The following PRKG1 variants were observed in gnomAD, a reference collection of about 807,000 sequenced individuals.
PRKG1 encodes the protein cGMP-dependent protein kinase 1.
Under a neutral mutation model 88.1 loss-of-function variants are expected in PRKG1, and 35 were observed. The ratio of observed to expected loss-of-function variants is 0.40; its 90% CI spans 0.30 to 0.53. PRKG1 has a LOEUF of 0.53. PRKG1 is among the 20% of genes least tolerant of loss of function. The pLI is 0.59. For missense variants in PRKG1, 540 were observed against 839.8 expected (o/e 0.64, Z 4.41); for synonymous variants, 303 against 292.5 (o/e 1.04, Z -0.37).
chr10:51,349,314 A>G (rs1015876082), intron 2 of PRKG1, among the ~76,000 whole-genome samples: 3 of 152,146 alleles, frequency 2.0e-5, no homozygotes, highest in African/African-American at 7.2e-5. Context: ...TTAGAACCAT[A>G]CTTATATCAT....
intron 1 of PRKG1, among the ~76,000 whole-genome samples, chr10:51,092,853 A>C (rs1217321048): frequency 6.6e-6 from 1 of 152,204 alleles, no homozygotes; most frequent in Non-Finnish European, 1.5e-5. Context: ...TATTTAAATA[A>C]GTAATAGTGA....
intron 3 of PRKG1, among the ~76,000 whole-genome samples, chr10:51,704,949 T>A (rs1003601492): frequency 6.6e-6 from 1 of 152,206 alleles, no homozygotes; most frequent in Non-Finnish European, 1.5e-5. Flanking sequence ...TGTTCTTTTT[T>A]AATACCTTAT....
intron 5 of PRKG1, among the ~76,000 whole-genome samples, chr10:51,961,520 G>T (rs1352526670): frequency 6.6e-6 from 1 of 152,174 alleles, no homozygotes; most frequent in Non-Finnish European, 1.5e-5. Context: ...AGCAATTGGT[G>T]CTCAAGTGCA....
chr10:51,735,193 G>A (rs182718000), intron 3 of PRKG1, among the ~76,000 whole-genome samples: 230 of 152,240 alleles, frequency 1.5e-3, no homozygotes, highest in Non-Finnish European at 2.8e-3. Context: ...TTTATGTATT[G>A]TTTGCTACAT....
At chr10:51,474,869 T>C (rs10997707) in intron 3 of PRKG1, among the ~76,000 whole-genome samples, 67,881 of 151,806 alleles carry the variant, frequency 0.45, 15,808 homozygotes, top group African/African-American at 0.52. Context: ...AAAGACTGCT[T>C]TGCTTATGAG....
chr10:51,683,930 C>T (rs557155507), intron 3 of PRKG1, among the ~76,000 whole-genome samples: 4 of 152,184 alleles, frequency 2.6e-5, no homozygotes, highest in African/African-American at 4.8e-5. Flanking sequence ...ATTTGTTTTT[C>T]GGGGGAATGT....
At chr10:51,339,775 G>A (rs1052814974) in intron 2 of PRKG1, among the ~76,000 whole-genome samples, 19 of 151,978 alleles carry the variant, frequency 1.3e-4, no homozygotes, top group Middle Eastern at 3.5e-3. Flanking sequence ...AACTCCATAT[G>A]ATGAAAGCAC....
At chr10:51,698,687 G>GGCT in intron 3 of PRKG1, 1 of 1,614,192 alleles carries the variant, frequency 6.2e-7, no homozygotes, top group Non-Finnish European at 8.5e-7. Flanking sequence ...TCCAAGTTGG[G>GGCT]GCTGCATTGC....
Position 51,000,733 on chromosome 10 carries a change from G to T in PRKG1, c.266+9089G>T, listed in dbSNP as rs115199433. Among the ~76,000 whole-genome samples the T allele has an allele frequency of 1.9e-3, 288 of 152,200 alleles. 1 individual carries two copies. Among genetic ancestry groups the T allele is most frequent in the African/African-American group, 6.8e-3 (281 of 41,530 alleles). On this transcript the variant is annotated intron_variant, in intron 1 of 17. Coordinates refer to the PRKG1 transcript ENST00000401604. Reference sequence around the variant, plus strand: ...TGCTGAGGGTAAGGCTAAGTATTAAGAGTTCATAGATTTTTTTTTTTAAGA... The same window carrying T: ...TGCTGAGGGTAAGGCTAAGTATTAATAGTTCATAGATTTTTTTTTTTAAGA...
chr10:51,076,980 C>T (rs1402683675), intron 1 of PRKG1, among the ~76,000 whole-genome samples: 3 of 152,138 alleles, frequency 2.0e-5, no homozygotes, highest in African/African-American at 7.2e-5. Context: ...GATAGAATGC[C>T]TTCCAAGCTT....
chr10:51,648,847 T>C (rs942656466), intron 3 of PRKG1, among the ~76,000 whole-genome samples: 3 of 152,140 alleles, frequency 2.0e-5, no homozygotes, highest in Non-Finnish European at 4.4e-5. Context: ...ATGGAGGAAG[T>C]AATTATATTC....
intron 2 of PRKG1, among the ~76,000 whole-genome samples, chr10:51,399,303 G>A (rs1837668910): frequency 6.6e-6 from 1 of 152,144 alleles, no homozygotes; most frequent in African/African-American, 2.4e-5. Flanking sequence ...GTTCCCCAGA[G>A]AAATTGGAGA....
At chr10:52,207,317 G>A (rs1308180322) in intron 9 of PRKG1, among the ~76,000 whole-genome samples, 1 of 152,072 alleles carries the variant, frequency 6.6e-6, no homozygotes, top group Non-Finnish European at 1.5e-5. Flanking sequence ...TCAGTCTGCT[G>A]GTGAGGGAGC....
At chr10:51,046,368 G>A (rs1843488023) in intron 1 of PRKG1, among the ~76,000 whole-genome samples, 1 of 152,154 alleles carries the variant, frequency 6.6e-6, no homozygotes, top group African/African-American at 2.4e-5. Flanking sequence ...TACATTCTGG[G>A]TGGAATCTAG....
chr10:51,010,606 G>C (rs1842981892), intron 1 of PRKG1, among the ~76,000 whole-genome samples: 1 of 152,202 alleles, frequency 6.6e-6, no homozygotes, highest in Admixed American at 6.5e-5. Flanking sequence ...TGCTTGAACT[G>C]TCCAAGTTGG....
At chr10:51,649,210 C>A (rs1839983288) in intron 3 of PRKG1, among the ~76,000 whole-genome samples, 1 of 152,032 alleles carries the variant, frequency 6.6e-6, no homozygotes, top group African/African-American at 2.4e-5. Flanking sequence ...CTTTCTTTTT[C>A]AAAACCAGTA....
chr10:52,202,623 T>C (rs1317761849), intron 9 of PRKG1, among the ~76,000 whole-genome samples: 1 of 152,106 alleles, frequency 6.6e-6, no homozygotes, highest in African/African-American at 2.4e-5. Context: ...TTCTTCTTTA[T>C]ATATCTTATA....
chr10:51,126,184 A>G (rs866898203), intron 1 of PRKG1, among the ~76,000 whole-genome samples: 32 of 122,098 alleles, frequency 2.6e-4, no homozygotes, highest in African/African-American at 1.1e-3. Flanking sequence ...ATATATTTAT[A>G]TATAATTATT....
chr10:51,864,453 C>A (rs1249761644), intron 4 of PRKG1, among the ~76,000 whole-genome samples: 1 of 152,194 alleles, frequency 6.6e-6, no homozygotes, highest in Non-Finnish European at 1.5e-5. Flanking sequence ...CCCAACACAG[C>A]ATATCACATT....
Sources: gnomAD v4.1 joint callset for allele counts (sites outside exome capture counted in the v4.1 genomes callset) on GRCh38, gnomAD v4.1.1 for gene constraint, MANE v1.5 for transcripts, NCBI Gene and HGNC (gene_info 2026-07-23, HGNC 2026-07-21) for gene names.